The following KDM5A variants were observed in gnomAD, a reference collection of about 807,000 sequenced individuals.
KDM5A encodes lysine demethylase 5A.
Under a neutral mutation model 193.5 loss-of-function variants are expected in KDM5A, and 42 were observed. The ratio of observed to expected loss-of-function variants is 0.22; its 90% CI spans 0.17 to 0.28. The LOEUF is 0.28. Ranked by LOEUF, KDM5A falls within the 10% of genes least tolerant of loss-of-function variation. KDM5A has a pLI of 1.00. For synonymous variants in KDM5A, 796 were observed against 718.1 expected (o/e 1.11, Z -1.73); for missense variants, 1,692 against 2,055.1 (o/e 0.82, Z 3.42).
At chr12:346,732 C>T (rs1386715277) in intron 10 of KDM5A, among the ~76,000 whole-genome samples, 1 of 152,192 alleles carries the variant, frequency 6.6e-6, no homozygotes, top group Non-Finnish European at 1.5e-5. Flanking sequence ...ATGCTAAAAA[C>T]TCTCAATAAA....
At chr12:384,805 T>A (rs980878109) in intron 2 of KDM5A, among the ~76,000 whole-genome samples, 1 of 152,238 alleles carries the variant, frequency 6.6e-6, no homozygotes, top group African/African-American at 2.4e-5. Context: ...CATCCATATG[T>A]AACATGCACA....
In KDM5A at chr12:284,699, A is replaced by G. The variant is rs1305899917; in HGVS notation, c.*757T>C. On this transcript the variant is annotated 3_prime_UTR_variant, in exon 28 of 28. Transcript: ENST00000399788. ...TGCTCTTCCCTAAAATGTAGACCCA[A>G]GACAGCAAGACTTTTCAAAGCCAAA... The G allele has an allele frequency of 4.3e-6, 1 of 232,834 alleles. No individual in the cohort carries two copies. Among genetic ancestry groups the G allele is most frequent in the East Asian group, 6.0e-5 (1 of 16,544 alleles). 14.4% of individuals were successfully genotyped at this position (232,834 alleles called of 1,614,324 possible). A position where few individuals can be genotyped will look rare whatever the true frequency, so the allele number is the denominator to read the frequency against.
intron 24 of KDM5A, among the ~76,000 whole-genome samples, chr12:300,562 A>G (rs534392351): frequency 2.6e-5 from 4 of 152,342 alleles, no homozygotes; most frequent in Middle Eastern, 3.4e-3. Context: ...ATAGCACTAA[A>G]TGCCCACAAG....
chr12:305,988 T>TTTG (rs1943502066), intron 24 of KDM5A, among the ~76,000 whole-genome samples: 1 of 149,020 alleles, frequency 6.7e-6, no homozygotes, highest in South Asian at 2.4e-4. Flanking sequence ...TTTTTTTTTT[T>TTTG]TTTGAGACAA....
intron 13 of KDM5A, among the ~76,000 whole-genome samples, chr12:331,563 T>C (rs1224398324): frequency 2.0e-5 from 3 of 151,896 alleles, no homozygotes; most frequent in Non-Finnish European, 4.4e-5. Context: ...AGTGAAGGAA[T>C]AGAATGGAAG....
chr12:305,071 C>G (rs1943488469), intron 24 of KDM5A, among the ~76,000 whole-genome samples: 1 of 152,090 alleles, frequency 6.6e-6, no homozygotes, highest in Non-Finnish European at 1.5e-5. Context: ...AGCTAGTGTA[C>G]CTTTCAGCAG....
Position 309,891 on chromosome 12 carries a change from A to G in KDM5A, c.3290T>C (p.Ile1097Thr), listed in dbSNP as rs774941871. 4 of 1,613,590 alleles carry G rather than the reference A, an allele frequency of 2.5e-6. No individual in the cohort carries two copies. The South Asian group carries it at 4.4e-5, about 18-fold the overall frequency. ...KNRRKKVKELIEKEKEKDLDL... is the reference protein window; with the variant it reads ...KNRRKKVKELTEKEKEKDLDL... ...CAGATCCTTTTCTTTTTCTTTTTCTATTAGTTCTTTTACTTTTTTCCTCCT... is the reference window on the plus strand; with the variant it reads ...CAGATCCTTTTCTTTTTCTTTTTCTGTTAGTTCTTTTACTTTTTTCCTCCT... The change falls in exon 22 of 28, where the codon ATA becomes ACA. Residue 1097 changes from isoleucine (I) to threonine (T), a missense_variant. Transcript: ENST00000399788.
At chr12:365,845 C>T (rs1407852014) in intron 4 of KDM5A, 89 bp downstream of exon 4, 1 of 1,298,278 alleles carries the variant, frequency 7.7e-7, no homozygotes, top group Non-Finnish European at 1.1e-6. Flanking sequence ...AATTTTGGTG[C>T]CTGCTAACTT....
At chr12:290,487 C>T (rs1314912686) in intron 27 of KDM5A, among the ~76,000 whole-genome samples, 2 of 151,954 alleles carry the variant, frequency 1.3e-5, no homozygotes, top group Non-Finnish European at 2.9e-5. Flanking sequence ...TCTCCTTTTG[C>T]TCCATCAAAA....
intron 27 of KDM5A, among the ~76,000 whole-genome samples, chr12:292,105 T>C (rs1322471813): frequency 2.6e-5 from 4 of 152,176 alleles, no homozygotes; most frequent in Non-Finnish European, 5.9e-5. Flanking sequence ...GGTTTTACCA[T>C]GTTGGCTAGG....
chr12:373,015 C>T (rs931399011), intron 3 of KDM5A, among the ~76,000 whole-genome samples: 19 of 152,096 alleles, frequency 1.2e-4, no homozygotes, highest in Non-Finnish European at 2.8e-4. Flanking sequence ...TGAAGATTTT[C>T]GCATCGATGT....
chr12:371,575 A>C (rs1359043648), intron 3 of KDM5A, among the ~76,000 whole-genome samples: 2 of 152,082 alleles, frequency 1.3e-5, no homozygotes, highest in Non-Finnish European at 2.9e-5. Context: ...CTCTGATGGT[A>C]GTTTCTTTTG....
At chr12:362,835 C>T (rs1396340295) in intron 5 of KDM5A, 128 bp downstream of exon 5, 1 of 826,616 alleles carries the variant, frequency 1.2e-6, no homozygotes. Context: ...GCAGCGCATA[C>T]CAACCAGCAA....
At position 311,110 on chromosome 12, in the gene KDM5A, G is replaced by T. The variant is rs755594730; in HGVS notation, c.3037-46C>A. On this transcript the variant is annotated intron_variant, in intron 20 of 27. Transcript: ENST00000399788. ...CTCACAATTTGAGTTCTCTTATGGG[G>T]TTTGGCAATATACTGTTGAAAGACC... 9.5e-6 allele frequency: 15 copies of T among 1,582,216 alleles called. No homozygotes were observed. In the Admixed American group the frequency reaches 2.0e-4, roughly 21 times the overall value.
chr12:385,581 G>C (rs764952117), intron 2 of KDM5A, among the ~76,000 whole-genome samples: 1 of 152,008 alleles, frequency 6.6e-6, no homozygotes, highest in Non-Finnish European at 1.5e-5. Context: ...CATTTTCCAA[G>C]AACCGAGGGA....
At chr12:380,997 A>AT (rs71045053) in intron 3 of KDM5A, among the ~76,000 whole-genome samples, 4 of 148,090 alleles carry the variant, frequency 2.7e-5, no homozygotes, top group South Asian at 2.2e-4. Flanking sequence ...GTTTTATTTT[A>AT]TTTTTTTTTT....
At chr12:322,653 A>AGGTTGGT in intron 16 of KDM5A, 86 bp from the exon 17 acceptor site, 1 of 1,067,318 alleles carries the variant, frequency 9.4e-7, no homozygotes, top group Non-Finnish European at 1.4e-6. Context: ...CACTCAAGTG[A>AGGTTGGT]GTCCCCAACC....
At chr12:354,692 G>A (rs191306226) in intron 7 of KDM5A, among the ~76,000 whole-genome samples, 206 of 152,070 alleles carry the variant, frequency 1.4e-3, no homozygotes, top group African/African-American at 4.7e-3. Flanking sequence ...GCATGAGCCC[G>A]AGAGGTGGAG....
rs1480301396 is a variant in KDM5A, at chr12:355,215, C to G, written c.813G>C (p.Arg271Ser). The G allele has an allele frequency of 6.2e-7, 1 of 1,613,004 alleles. No homozygotes were observed. Among genetic ancestry groups the G allele is most frequent in the Admixed American group, 1.7e-5 (1 of 60,028 alleles). ...EVTRRRKVTN[R>S]SDAFNMQMRQ... is the part of the protein sequence containing the mutation. ...TCATTTGCATGTTAAATGCGTCTGA[C>G]CTGTTGGTAACTTTTCGTCTTCGGG... Residue 271 changes from arginine (R) to serine (S), a missense_variant, in exon 7 of 28, where the codon AGG becomes AGC. By Grantham distance (110) the Arg-to-Ser change is moderately radical. Coordinates refer to ENST00000399788, the MANE Select transcript of KDM5A (RefSeq NM_001042603.3).
Sources: allele counts gnomAD v4.1 joint callset (sites outside exome capture counted in the v4.1 genomes callset), GRCh38; gene constraint gnomAD v4.1.1; transcripts MANE v1.5; gene names NCBI Gene and HGNC (gene_info 2026-07-23, HGNC 2026-07-21).